TRIM67: variants seen among roughly 807,000 people sequenced by gnomAD.
TRIM67 encodes the protein tripartite motif containing 67.
A neutral mutation model predicts 71.0 loss-of-function variants in TRIM67; 39 were observed. The observed-to-expected ratio is 0.55, with a 90% CI of 0.43 to 0.72. The LOEUF is 0.72. Among genes scored for constraint, TRIM67 ranks in the 30% least tolerant of loss-of-function variants. TRIM67 has a pLI of 0.00. For missense variants in TRIM67, 973 were observed against 1,079.2 expected, an observed-to-expected ratio of 0.90 and a Z score of 1.38; for synonymous variants, 481 against 473.9, an observed-to-expected ratio of 1.01 and a Z score of -0.19.
rs776284337 is a variant in TRIM67, at chr1:231,215,454, C to A, written c.*14C>A. 1 of 1,593,960 alleles carries A rather than the reference C, an allele frequency of 6.3e-7. No homozygotes were observed. Among genetic ancestry groups the A allele is most frequent in the East Asian group, 2.3e-5 (1 of 43,938 alleles). On this transcript the variant is annotated 3_prime_UTR_variant, in exon 10 of 10. Transcript: ENST00000366653. ...TCAGGCAATTAGCCCCGCTCCAGCT[C>A]GGCACTGTGCCTGTGACAGTGACAT...
intron 1 of TRIM67, chr1:231,184,503 C>T (rs1683000766): frequency 6.4e-6 from 1 of 156,380 alleles, no homozygotes; most frequent in African/African-American, 2.4e-5. Context: ...CCGGATAGCC[C>T]CTCAGGATCC....
chr1:231,203,451 AGGATCCC>A (rs1256801131), intron 5 of TRIM67, among the ~76,000 whole-genome samples: 2 of 152,186 alleles, frequency 1.3e-5, no homozygotes, highest in African/African-American at 4.8e-5. Context: ...CCCTGCGGAG[AGGATCCC>A]TAGGGACTTG....
chr1:231,207,776 C>T (rs1199629579), intron 7 of TRIM67, among the ~76,000 whole-genome samples: 1 of 152,192 alleles, frequency 6.6e-6, no homozygotes, highest in South Asian at 2.1e-4. Context: ...TGCCTCTAGA[C>T]TCTCCTGCCT....
chr1:231,168,888 CT>C (rs1682547221), intron 1 of TRIM67, among the ~76,000 whole-genome samples: 1 of 152,186 alleles, frequency 6.6e-6, no homozygotes, highest in Non-Finnish European at 1.5e-5. Context: ...TTCGTAAAAA[CT>C]TTCCAGGGGG....
At chr1:231,185,201 T>C (rs1049701110) in intron 1 of TRIM67, 22 of 1,532,990 alleles carry the variant, frequency 1.4e-5, no homozygotes, top group Non-Finnish European at 1.9e-5. Context: ...CCTTCCACCC[T>C]TCTCAGGATT....
In TRIM67 at chr1:231,219,727, T is replaced by C; in HGVS notation, c.*4287T>C. On this transcript the variant is annotated 3_prime_UTR_variant, in exon 10 of 10. Coordinates refer to ENST00000366653, the MANE Select transcript of TRIM67 (RefSeq NM_001004342.5). ...TTTAAAAAAATCTAACAGATCTTAT[T>C]GGCAAATATTCAAGATGGTGATGCT... 1 of 1,190,912 alleles carries C rather than the reference T, an allele frequency of 8.4e-7. No individual in the cohort carries two copies. The highest frequency in any genetic ancestry group is 1.1e-6 in the Non-Finnish European group (1 of 943,782). The allele number at this position is 1,190,912 out of a possible 1,614,324, so 73.8% of individuals were successfully genotyped here. A position where few individuals can be genotyped will look rare whatever the true frequency, so the allele number is the denominator to read the frequency against.
At chr1:231,181,958 G>C (rs769206478) in intron 1 of TRIM67, among the ~76,000 whole-genome samples, 1 of 152,184 alleles carries the variant, frequency 6.6e-6, no homozygotes, top group Non-Finnish European at 1.5e-5. Flanking sequence ...TAAAGGGATG[G>C]TTTGGGATAT....
At chr1:231,202,229 A>AT (rs1683568384) in intron 5 of TRIM67, among the ~76,000 whole-genome samples, 1 of 2,420 alleles carries the variant, frequency 4.1e-4, no homozygotes, top group African/African-American at 1.0e-3. Flanking sequence ...AGGAGGTAGT[A>AT]GGAGAGGAGG....
intron 1 of TRIM67, among the ~76,000 whole-genome samples, chr1:231,189,727 C>G (rs1683184249): frequency 6.6e-6 from 1 of 152,084 alleles, no homozygotes; most frequent in Non-Finnish European, 1.5e-5. Context: ...GTTCTAATCC[C>G]CTTCATGAGG....
At chr1:231,183,424 C>T (rs1439149613) in intron 1 of TRIM67, among the ~76,000 whole-genome samples, 1 of 152,028 alleles carries the variant, frequency 6.6e-6, no homozygotes, top group African/African-American at 2.4e-5. Flanking sequence ...CACAGCAAAA[C>T]CTCATCTCTA....
chr1:231,218,940 G>A lies in TRIM67; in HGVS notation c.*3500G>A. 5 of 985,482 alleles carry A rather than the reference G, an allele frequency of 5.1e-6. No homozygotes were observed. Among genetic ancestry groups the A allele is most frequent in the Non-Finnish European group, 6.0e-6 (5 of 829,946 alleles). 61.0% of individuals were successfully genotyped at this position (985,482 alleles called of 1,614,324 possible). A position where few individuals can be genotyped will look rare whatever the true frequency, so the allele number is the denominator to read the frequency against. On this transcript the variant is annotated 3_prime_UTR_variant, in exon 10 of 10. Transcript: ENST00000366653. ...GAAAGGATCAGAATGCAGGATCTTTGTGTATTTCTTCCAGGGATATTTGCA... is the reference window on the plus strand; with the variant it reads ...GAAAGGATCAGAATGCAGGATCTTTATGTATTTCTTCCAGGGATATTTGCA...
intron 6 of TRIM67, among the ~76,000 whole-genome samples, chr1:231,204,884 A>G (rs1219341731): frequency 2.6e-5 from 4 of 152,232 alleles, no homozygotes; most frequent in African/African-American, 7.2e-5. Context: ...TTTGAAAAAT[A>G]CAGGAATGTA....
chr1:231,189,648 G>A (rs1332600144), intron 1 of TRIM67, among the ~76,000 whole-genome samples: 1 of 152,116 alleles, frequency 6.6e-6, no homozygotes, highest in Non-Finnish European at 1.5e-5. Flanking sequence ...TGCCTGGCAG[G>A]ACGTTTTCTT....
chr1:231,216,477 T>G lies in TRIM67; in HGVS notation c.*1037T>G. On this transcript the variant is annotated 3_prime_UTR_variant, in exon 10 of 10. Coordinates refer to ENST00000366653, the MANE Select transcript of TRIM67 (RefSeq NM_001004342.5). ...ATGCATCCAGATTGCTCTTCTGAGC[T>G]GAACCACTCTCAGACTCATAAGCAT... 1 of 985,530 alleles carries G rather than the reference T, an allele frequency of 1.0e-6. No homozygotes were observed. Among genetic ancestry groups the G allele is most frequent in the African/African-American group, 1.7e-5 (1 of 57,392 alleles). 61.0% of individuals were successfully genotyped at this position (985,530 alleles called of 1,614,324 possible).
chr1:231,193,247 T>C lies in TRIM67; in HGVS notation c.1045-4124T>C, dbSNP rs1282252516. Among the ~76,000 whole-genome samples the C allele has an allele frequency of 2.0e-5, 3 of 152,330 alleles. No homozygotes were observed. In the Middle Eastern group the frequency reaches 0.01, roughly 518 times the overall value. ...GAGCATTCTTTGAGCTCCTACTTTG[T>C]GCAGCACAGTGGGATAGAAATGTAG... is the stretch of plus-strand genomic sequence containing the variant. On this transcript the variant is annotated intron_variant, in intron 1 of 9. Transcript: ENST00000366653.
intron 8 of TRIM67, among the ~76,000 whole-genome samples, chr1:231,212,783 G>A (rs1351730048): frequency 1.3e-5 from 2 of 152,238 alleles, no homozygotes; most frequent in South Asian, 2.1e-4. Context: ...AGAAGATGTG[G>A]TCAGCCAAGC....
In TRIM67 at chr1:231,163,185, G is replaced by A. The variant is rs1571863060; in HGVS notation, c.216G>A (p.Ala72=). Residue 72 remains alanine (A), a synonymous_variant, in exon 1 of 10, where the codon GCG becomes GCA. Coordinates refer to ENST00000366653, the MANE Select transcript of TRIM67 (RefSeq NM_001004342.5). The stretch of plus-strand genomic sequence containing the variant: ...CTGCCTCTCTGGAGCACGACGCTGC[G>A]GCTGGCCCGGCCTGCGGCGGTGCAG... ...AAAASLEHDA[A]AGPACGGAGG... The A allele has an allele frequency of 3.4e-6, 5 of 1,487,482 alleles. No homozygotes were observed. The highest frequency in any genetic ancestry group is 4.5e-6 in the Non-Finnish European group (5 of 1,119,488). 92.1% of individuals were successfully genotyped at this position (1,487,482 alleles called of 1,614,324 possible).
At chr1:231,191,394 C>T (rs1370808002) in intron 1 of TRIM67, among the ~76,000 whole-genome samples, 1 of 152,120 alleles carries the variant, frequency 6.6e-6, no homozygotes, top group Non-Finnish European at 1.5e-5. Context: ...GGTTACTGGG[C>T]TCTTGGAACC....
In TRIM67 at chr1:231,163,689, A is replaced by G. The variant is rs1268344659; in HGVS notation, c.720A>G (p.Pro240=). 26 of 1,511,366 alleles carry G rather than the reference A, an allele frequency of 1.7e-5. No homozygotes were observed. In the Admixed American group the frequency reaches 5.5e-4, roughly 32 times the overall value. 93.6% of individuals were successfully genotyped at this position (1,511,366 alleles called of 1,614,324 possible). The change falls in exon 1 of 10, where the codon CCA becomes CCG. Residue 240 remains proline, a synonymous_variant. Coordinates refer to ENST00000366653, the MANE Select transcript of TRIM67 (RefSeq NM_001004342.5). ...YCSACQLKCH[P]SRGPFAKHRL... ...CTGCCTGCCAGCTCAAGTGCCATCC[A>G]TCCCGGGGACCCTTCGCCAAGCATC...
Sources: allele counts gnomAD v4.1 joint callset (sites outside exome capture counted in the v4.1 genomes callset), GRCh38; gene constraint gnomAD v4.1.1; transcripts MANE v1.5; gene names NCBI Gene and HGNC (gene_info 2026-07-23, HGNC 2026-07-21).